GTF2IRD1: variants seen among roughly 807,000 people sequenced by gnomAD.
GTF2IRD1 encodes GTF2I repeat domain containing 1, also known as general transcription factor II-I repeat domain-containing protein 1.
GTF2IRD1 carries 26 observed loss-of-function variants against 113.2 expected under a neutral mutation model. That is an observed-to-expected ratio of 0.23 (90% confidence interval 0.17 to 0.32). GTF2IRD1 has a LOEUF of 0.32. GTF2IRD1 is among the 10% of genes least tolerant of loss of function. The pLI, the probability that GTF2IRD1 is intolerant of heterozygous loss-of-function variation, is 1.00. For missense variants in GTF2IRD1, 864 were observed against 1,280.8 expected, an observed-to-expected ratio of 0.67 and a Z score of 4.97; for synonymous variants, 484 against 529.1, an observed-to-expected ratio of 0.91 and a Z score of 1.17.
chr7:74,472,136 TC>T (rs1353794585), intron 1 of GTF2IRD1, among the ~76,000 whole-genome samples: 3 of 152,234 alleles, frequency 2.0e-5, no homozygotes, highest in African/African-American at 7.2e-5. Flanking sequence ...CACTTGGAGT[TC>T]ACCATCTCAT....
intron 1 of GTF2IRD1, among the ~76,000 whole-genome samples, chr7:74,501,748 T>C (rs1796044946): frequency 6.6e-6 from 1 of 152,094 alleles, no homozygotes; most frequent in Admixed American, 6.6e-5. Flanking sequence ...ACCTCCTGGG[T>C]TCGAGCGATT....
Position 74,548,938 on chromosome 7 carries a change from T to G in GTF2IRD1, c.1916+1652T>G, listed in dbSNP as rs587617990. On this transcript the variant is annotated intron_variant, in intron 17 of 26. Coordinates refer to ENST00000424337, the MANE Select transcript of GTF2IRD1 (RefSeq NM_005685.4). ...CAAAAAAAACCAGGGAATGGGAGGA[T>G]CATATTTCCATTTTGTGTTTGTTAC... Among the ~76,000 whole-genome samples, 3 of 151,308 alleles carry G rather than the reference T, an allele frequency of 2.0e-5. No homozygotes were observed. In the South Asian group the frequency reaches 6.3e-4, roughly 32 times the overall value.
At position 74,538,035 on chromosome 7, in the gene GTF2IRD1, A is replaced by G. The variant is rs1357648337; in HGVS notation, c.1410-101A>G. Reference sequence around the variant, plus strand: ...CGATGGGGACAGGGATGCCTTCTGCAGTGGCGCCCGCGGTGGGCCCTGACT... The same window carrying G: ...CGATGGGGACAGGGATGCCTTCTGCGGTGGCGCCCGCGGTGGGCCCTGACT... On this transcript the variant is annotated intron_variant, in intron 11 of 26. Transcript: ENST00000424337. 1.4e-5 allele frequency: 16 copies of G among 1,104,762 alleles called. No individual in the cohort carries two copies. The African/African-American group carries it at 2.5e-4, about 17-fold the overall frequency. The allele number at this position is 1,104,762 out of a possible 1,614,324, so 68.4% of individuals were successfully genotyped here.
intron 25 of GTF2IRD1, among the ~76,000 whole-genome samples, chr7:74,596,575 A>G (rs1802428927): frequency 6.6e-6 from 1 of 151,908 alleles, no homozygotes; most frequent in Admixed American, 6.6e-5. Flanking sequence ...TCCAGGAGGC[A>G]GAGGTTGCAG....
intron 1 of GTF2IRD1, among the ~76,000 whole-genome samples, chr7:74,492,170 ATTT>A (rs782415786): frequency 1.5e-5 from 2 of 135,758 alleles, no homozygotes; most frequent in Non-Finnish European, 3.2e-5. Flanking sequence ...TTCCCGGCTA[ATTT>A]TTTTTTTTTT....
At chr7:74,489,498 A>G (rs2117205662) in intron 1 of GTF2IRD1, among the ~76,000 whole-genome samples, 1 of 152,066 alleles carries the variant, frequency 6.6e-6, no homozygotes, top group East Asian at 1.9e-4. Context: ...ATGTACCACC[A>G]CACCTGGCTA....
rs782482405 is a variant in GTF2IRD1 at position 74,544,778 on chromosome 7, C to CGGCCCGAGGAGA, written c.1649_1660dup (p.Glu550_Pro553dup). The CGGCCCGAGGAGA allele has an allele frequency of 6.2e-7, 1 of 1,613,820 alleles. No homozygotes were observed. Among genetic ancestry groups the CGGCCCGAGGAGA allele is most frequent in the Admixed American group, 1.7e-5 (1 of 59,994 alleles). The stretch of plus-strand genomic sequence containing the variant: ...AGACAAAGGTCTGAGTGAGGACGCG[C>CGGCCCGAGGAGA]GGCCCGAGGAGAGGCCCGTGGAGGG... On this transcript the variant is annotated inframe_insertion, in exon 15 of 27. Transcript: ENST00000424337.
Position 74,512,771 on chromosome 7 carries a change from A to G in GTF2IRD1, c.124-59A>G. On this transcript the variant is annotated intron_variant, in intron 2 of 26. Coordinates refer to ENST00000424337, the MANE Select transcript of GTF2IRD1 (RefSeq NM_005685.4). This position sits in a 1 kb window ranked among gnomAD's most constrained non-coding sequence, Gnocchi z 4.4. ...CTCACATCCCACCCCCGAAGTGGAT[A>G]CTAGAGGTGTTCGGAGTATGGGGAG... The G allele has an allele frequency of 6.4e-7, 1 of 1,557,986 alleles. No individual in the cohort carries two copies. Among genetic ancestry groups the G allele is most frequent in the Non-Finnish European group, 8.8e-7 (1 of 1,138,564 alleles).
chr7:74,516,603 G>C (rs1329508141), intron 4 of GTF2IRD1, among the ~76,000 whole-genome samples: 1 of 150,542 alleles, frequency 6.6e-6, no homozygotes, highest in African/African-American at 2.5e-5. Context: ...TGTAGCCTTT[G>C]GTTTTATGGA....
At chr7:74,545,887 G>A (rs1183933680) in intron 16 of GTF2IRD1, 78 bp downstream of exon 16, 16 of 1,021,624 alleles carry the variant, frequency 1.6e-5, no homozygotes, top group South Asian at 8.9e-5. Context: ...GGCTTTGGTC[G>A]CATCCCCTTG....
chr7:74,518,191 C>T lies in GTF2IRD1; in HGVS notation c.474C>T (p.Leu158=), dbSNP rs138935107. ...TGCCACTGCCCTATGAGAGGCTGCT[C>T]AGGGAGCCAGGGCTGCTGGCCGTGC... ...SVVPLPYERL[L]REPGLLAVQG... is the part of the protein sequence containing the mutation. Residue 158 remains leucine (L), a synonymous_variant, in exon 5 of 27, where the codon CTC becomes CTT. Coordinates refer to ENST00000424337, the MANE Select transcript of GTF2IRD1 (RefSeq NM_005685.4). 6.9e-4 allele frequency: 1,110 copies of T among 1,610,186 alleles called. No homozygotes were observed. The highest frequency in any genetic ancestry group is 8.6e-4 in the Non-Finnish European group (1,013 of 1,178,636).
At chr7:74,518,760 C>T (rs1267394160) in intron 5 of GTF2IRD1, among the ~76,000 whole-genome samples, 1 of 152,026 alleles carries the variant, frequency 6.6e-6, no homozygotes, top group African/African-American at 2.4e-5. Context: ...TGGTGGTGCA[C>T]ACCTGTCATC....
chr7:74,602,535 C>T lies in GTF2IRD1; in HGVS notation c.*102C>T, dbSNP rs971281421. 1.7e-4 allele frequency: 152 copies of T among 899,114 alleles called. No homozygotes were observed. Among genetic ancestry groups the T allele is most frequent in the Non-Finnish European group, 2.5e-5 (15 of 592,034 alleles). 55.7% of individuals were successfully genotyped at this position (899,114 alleles called of 1,614,324 possible). On this transcript the variant is annotated 3_prime_UTR_variant, in exon 27 of 27. Transcript: ENST00000424337. ...ATGTATCGATGCCTTTTAGTTTTTC[C>T]AATGATTTTTACACTATATTCCTGC...
intron 3 of GTF2IRD1, among the ~76,000 whole-genome samples, chr7:74,514,361 G>T (rs2130151370): frequency 1.3e-5 from 2 of 152,212 alleles, no homozygotes; most frequent in South Asian, 4.2e-4. Context: ...CAGGATGGGG[G>T]ACTGGGCCGG....
At chr7:74,503,218 C>T (rs1796125605) in intron 1 of GTF2IRD1, among the ~76,000 whole-genome samples, 1 of 151,918 alleles carries the variant, frequency 6.6e-6, no homozygotes, top group Admixed American at 6.6e-5. Flanking sequence ...GAGCGGTCAC[C>T]TCTGATGAGG....
At chr7:74,592,404 C>T (rs587637280) in intron 24 of GTF2IRD1, among the ~76,000 whole-genome samples, 6 of 151,358 alleles carry the variant, frequency 4.0e-5, no homozygotes, top group Non-Finnish European at 7.4e-5. Context: ...CACACCCAGC[C>T]CCCCCTTTTT....
chr7:74,465,693 T>A (rs2116943975), intron 1 of GTF2IRD1, among the ~76,000 whole-genome samples: 1 of 152,152 alleles, frequency 6.6e-6, no homozygotes, highest in African/African-American at 2.4e-5. Context: ...CATTCCAAGA[T>A]CTGTTCTTAT....
intron 7 of GTF2IRD1, among the ~76,000 whole-genome samples, chr7:74,522,154 T>G (rs1554346150): frequency 6.6e-6 from 1 of 151,980 alleles, no homozygotes; most frequent in African/African-American, 2.4e-5. Flanking sequence ...ATTGCTGTCA[T>G]ATTCTATCTG....
At position 74,584,926 on chromosome 7, in the gene GTF2IRD1, G is replaced by A. The variant is rs138024283; in HGVS notation, c.2321-4925G>A. Among the ~76,000 whole-genome samples the A allele has an allele frequency of 9.2e-3, 1,391 of 151,894 alleles. 20 individuals are homozygous for A. The highest frequency in any genetic ancestry group is 0.03 in the African/African-American group (1,248 of 41,476). On this transcript the variant is annotated intron_variant, in intron 22 of 26. Transcript: ENST00000424337. ...AAGCGATTCTCCTGCCTCCGCCCCC[G>A]GAGTAGCTGGGATTACAGGCACCTG...
Sources: allele counts gnomAD v4.1 joint callset (sites outside exome capture counted in the v4.1 genomes callset), GRCh38; gene constraint gnomAD v4.1.1; non-coding constraint Gnocchi (gnomAD v3.1); transcripts MANE v1.5; gene names NCBI Gene and HGNC (gene_info 2026-07-23, HGNC 2026-07-21).